Variants in WIPI2 observed in about 807,000 individuals in gnomAD.
WIPI2 encodes WD repeat domain phosphoinositide-interacting protein 2.
WIPI2 carries 28 observed loss-of-function variants against 52.3 expected under a neutral mutation model. That is an observed-to-expected ratio of 0.54 (90% CI 0.40 to 0.73). WIPI2 has a LOEUF of 0.73. Among genes scored for constraint, WIPI2 ranks in the 30% least tolerant of loss-of-function variants. The pLI is 0.00. For synonymous variants in WIPI2, 268 were observed against 245.0 expected, an observed-to-expected ratio of 1.09 and a Z score of -0.88; for missense variants, 506 against 602.9, an observed-to-expected ratio of 0.84 and a Z score of 1.68.
Position 5,228,210 on chromosome 7 carries a change from C to T in WIPI2, c.1120C>T (p.Arg374Trp), listed in dbSNP as rs773549867. Reference sequence around the variant, plus strand: ...CGAGTGTGCCCTGATGAAGCAGCACCGGTGAGTCTGCTCCGGCCGCTTCAC... The same window carrying T: ...CGAGTGTGCCCTGATGAAGCAGCACTGGTGAGTCTGCTCCGGCCGCTTCAC... ...GGECALMKQH[R>W]LDGSLETTNE... The change falls in exon 11 of 13, where the codon CGG (arginine) becomes TGG (tryptophan). Residue 374 changes from arginine to tryptophan, a missense_variant and splice_region_variant. Arg to Trp is a moderately radical substitution (Grantham distance 101). Around this residue, in one of 4 missense-constraint regions of WIPI2, gnomAD observed 194 missense variants for 175.1 expected, o/e 1.11. Coordinates refer to ENST00000288828, the MANE Select transcript of WIPI2 (RefSeq NM_015610.4). 9.3e-6 allele frequency: 15 copies of T among 1,611,692 alleles called. No individual in the cohort carries two copies. Among genetic ancestry groups the T allele is most frequent in the African/African-American group, 1.3e-5 (1 of 74,876 alleles).
intron 3 of WIPI2, among the ~76,000 whole-genome samples, chr7:5,200,753 C>T (rs1442988946): frequency 2.0e-5 from 3 of 152,310 alleles, no homozygotes; most frequent in South Asian, 2.1e-4. Context: ...GCCCTGGCCT[C>T]CTCTCTGCAG....
intron 3 of WIPI2, 23 bp from the exon 4 acceptor site, chr7:5,214,512 T>G: frequency 6.2e-7 from 1 of 1,614,188 alleles, no homozygotes; most frequent in Non-Finnish European, 8.5e-7. Flanking sequence ...TGTTCACGCA[T>G]GTACTTCCCT....
At chr7:5,229,810 C>T (rs556796266) in intron 12 of WIPI2, 72 bp downstream of exon 12, 2 of 1,581,544 alleles carry the variant, frequency 1.3e-6, no homozygotes, top group East Asian at 2.3e-5. Flanking sequence ...TCTGCTGGCT[C>T]CGGAGCCACC....
At chr7:5,200,806 G>C (rs1034334156) in intron 3 of WIPI2, among the ~76,000 whole-genome samples, 1 of 152,172 alleles carries the variant, frequency 6.6e-6, no homozygotes, top group Non-Finnish European at 1.5e-5. Context: ...GGATGTGTCT[G>C]ATTCTTCCCA....
In WIPI2 at chr7:5,232,787, C is replaced by T. The variant is rs1350065025; in HGVS notation, c.*1840C>T. The T allele has an allele frequency of 6.4e-6, 1 of 155,464 alleles. No homozygotes were observed. Among genetic ancestry groups the T allele is most frequent in the African/African-American group, 2.4e-5 (1 of 41,590 alleles). The allele number at this position is 155,464 out of a possible 1,614,324, so 9.6% of individuals were successfully genotyped here. A position where few individuals can be genotyped will look rare whatever the true frequency, so the allele number is the denominator to read the frequency against. ...ATACGGAACCCTGAGCTAGGGTTTC[C>T]TGTCACCAAAGAGTGAGCTGCATTT... On this transcript the variant is annotated 3_prime_UTR_variant, in exon 13 of 13. Coordinates refer to ENST00000288828, the MANE Select transcript of WIPI2 (RefSeq NM_015610.4).
chr7:5,197,123 A>AC (rs1781786950), intron 2 of WIPI2, among the ~76,000 whole-genome samples: 1 of 146,850 alleles, frequency 6.8e-6, no homozygotes, highest in African/African-American at 2.6e-5. Flanking sequence ...AAAAACAAAA[A>AC]AAAAAAAAAA....
At chr7:5,218,301 T>C (rs985110865) in intron 7 of WIPI2, 1 of 316,666 alleles carries the variant, frequency 3.2e-6, no homozygotes, top group Admixed American at 4.6e-5. Flanking sequence ...ACCCAGTGTG[T>C]TTCTAAATGA....
intron 3 of WIPI2, chr7:5,213,543 C>G (rs1782662396): frequency 6.6e-6 from 1 of 152,276 alleles, no homozygotes; most frequent in Non-Finnish European, 1.5e-5. Flanking sequence ...TCCAGTTAGT[C>G]ACACGCAGCG....
At chr7:5,221,734 G>A (rs901152981) in intron 7 of WIPI2, among the ~76,000 whole-genome samples, 1 of 152,140 alleles carries the variant, frequency 6.6e-6, no homozygotes, top group African/African-American at 2.4e-5. Flanking sequence ...GAGCTCCCTT[G>A]TATTCCTAGT....
At position 5,227,516 on chromosome 7, in the gene WIPI2, C is replaced by T. The variant is rs928060474; in HGVS notation, c.1013+172C>T. Among the ~76,000 whole-genome samples, 7 of 152,200 alleles carry T rather than the reference C, an allele frequency of 4.6e-5. No homozygotes were observed. Among genetic ancestry groups the T allele is most frequent in the African/African-American group, 1.4e-4 (6 of 41,448 alleles). Reference sequence around the variant, plus strand: ...GTCCCCTGGCAGGCACTAGGCTTGCCGCTCTGTGCGGGGGTCCATTTCCAG... The same window carrying T: ...GTCCCCTGGCAGGCACTAGGCTTGCTGCTCTGTGCGGGGGTCCATTTCCAG... On this transcript the variant is annotated intron_variant, in intron 10 of 12. Transcript: ENST00000288828. This position sits in a 1 kb window ranked among gnomAD's most constrained non-coding sequence, Gnocchi z 8.1.
chr7:5,207,003 T>A (rs1782326144), intron 3 of WIPI2, among the ~76,000 whole-genome samples: 1 of 152,162 alleles, frequency 6.6e-6, no homozygotes, highest in Admixed American at 6.5e-5. Context: ...AGTCTCAAAC[T>A]CCTGGGCTCA....
intron 1 of WIPI2, chr7:5,190,735 C>T: frequency 5.3e-6 from 2 of 380,000 alleles, no homozygotes; most frequent in African/African-American, 2.1e-5. Context: ...GAGGGGGCTG[C>T]TTTCACCCTC....
At chr7:5,213,963 G>T (rs1162345570) in intron 3 of WIPI2, among the ~76,000 whole-genome samples, 1 of 152,220 alleles carries the variant, frequency 6.6e-6, no homozygotes, top group Non-Finnish European at 1.5e-5. Context: ...GGGATTACAG[G>T]CGTGAGCCAC....
chr7:5,194,304 C>A (rs1015688808), intron 2 of WIPI2, among the ~76,000 whole-genome samples: 6 of 152,158 alleles, frequency 3.9e-5, no homozygotes, highest in African/African-American at 1.2e-4. Context: ...GTTGAGGTTG[C>A]TTTTGGTTTA....
At chr7:5,195,658 A>C (rs1174581832) in intron 2 of WIPI2, among the ~76,000 whole-genome samples, 2 of 152,194 alleles carry the variant, frequency 1.3e-5, no homozygotes, top group Non-Finnish European at 2.9e-5. Context: ...GAAATTGTTT[A>C]AAGCCAAATC....
intron 3 of WIPI2, chr7:5,214,123 T>C (rs1012090799): frequency 1.7e-5 from 7 of 422,952 alleles, no homozygotes; most frequent in African/African-American, 4.1e-5. Context: ...GCACGTAGGC[T>C]AGCGCTCAGC....
Position 5,190,403 on chromosome 7 carries a change from TCGCCG to T in WIPI2, c.-13_-9del, listed in dbSNP as rs1191280160. The T allele has an allele frequency of 7.5e-7, 1 of 1,328,742 alleles. No homozygotes were observed. The highest frequency in any genetic ancestry group is 9.7e-7 in the Non-Finnish European group (1 of 1,031,146). The allele number at this position is 1,328,742 out of a possible 1,614,324, so 82.3% of individuals were successfully genotyped here. A position where few individuals can be genotyped will look rare whatever the true frequency, so the allele number is the denominator to read the frequency against. ...GCGCGCCCTCCCCGGCCGGGCCCAC[TCGCCG>T]CGCGCCCAGCCATGAACCTGGCGAG... On this transcript the variant is annotated 5_prime_UTR_variant, in exon 1 of 13. Coordinates refer to ENST00000288828, the MANE Select transcript of WIPI2 (RefSeq NM_015610.4).
chr7:5,202,841 C>G (rs138414180), intron 3 of WIPI2, among the ~76,000 whole-genome samples: 85 of 152,280 alleles, frequency 5.6e-4, no homozygotes, highest in South Asian at 1.9e-3. Context: ...TATTCTACAA[C>G]AGTATCCTAC....
At chr7:5,229,323 CT>C in intron 11 of WIPI2, 7 of 269,500 alleles carry the variant, frequency 2.6e-5, no homozygotes, top group East Asian at 9.6e-5. Flanking sequence ...GCTAGCCTGA[CT>C]TTTTTTGTAA....
Sources: gnomAD v4.1 joint callset for allele counts (sites outside exome capture counted in the v4.1 genomes callset) on GRCh38, gnomAD v4.1.1 for gene constraint, gnomAD v4.1.1 regional missense constraint, Gnocchi (gnomAD v3.1) non-coding constraint, MANE v1.5 for transcripts, NCBI Gene and HGNC (gene_info 2026-07-23, HGNC 2026-07-21) for gene names.